Variants in CYTH3 observed in about 807,000 individuals in gnomAD.
CYTH3 encodes cytohesin-3.
In CYTH3, 23 loss-of-function variants were observed where a neutral mutation model predicts 55.1. The observed-to-expected ratio is 0.42, with a 90% CI of 0.30 to 0.59. The LOEUF (loss-of-function observed/expected upper bound fraction) is 0.59. CYTH3 is among the 20% of genes least tolerant of loss of function. The probability of loss-of-function intolerance (pLI) is 0.20; values close to 1 mark genes in which losing one functional copy is unlikely to be tolerated. For synonymous variants in CYTH3, 249 were observed against 194.9 expected (o/e 1.28, Z -2.31); for missense variants, 413 against 524.8 (o/e 0.79, Z 2.08).
intron 1 of CYTH3, among the ~76,000 whole-genome samples, chr7:6,253,005 T>C (rs182463859): frequency 4.6e-5 from 7 of 152,250 alleles, no homozygotes; most frequent in Non-Finnish European, 7.4e-5. Context: ...CTCCTTCTGG[T>C]TACCAACTTA....
intron 1 of CYTH3, among the ~76,000 whole-genome samples, chr7:6,256,760 T>C (rs928860785): frequency 2.0e-5 from 3 of 152,324 alleles, no homozygotes; most frequent in East Asian, 1.9e-4. Context: ...GCCAAATTAC[T>C]GGGCACTTGT....
At chr7:6,245,522 G>C (rs1325843076) in intron 1 of CYTH3, among the ~76,000 whole-genome samples, 3 of 152,150 alleles carry the variant, frequency 2.0e-5, no homozygotes, top group Non-Finnish European at 2.9e-5. Context: ...GCGGGAGCAG[G>C]CTTCTTCCCT....
At chr7:6,217,515 A>G (rs1306070311) in intron 1 of CYTH3, among the ~76,000 whole-genome samples, 2 of 152,228 alleles carry the variant, frequency 1.3e-5, no homozygotes, top group Non-Finnish European at 2.9e-5. Context: ...AAGACATAGC[A>G]ATTCTAAATG....
At chr7:6,238,250 A>G (rs1779578336) in intron 1 of CYTH3, among the ~76,000 whole-genome samples, 2 of 152,206 alleles carry the variant, frequency 1.3e-5, no homozygotes, top group South Asian at 4.1e-4. Context: ...TGTGAATCTT[A>G]GTATACATTT....
intron 5 of CYTH3, among the ~76,000 whole-genome samples, chr7:6,175,032 C>G (rs1034299901): frequency 7.2e-5 from 11 of 152,146 alleles, no homozygotes; most frequent in African/African-American, 2.7e-4. Context: ...TAGGAGATTA[C>G]AAGGACTGAA....
Position 6,165,438 on chromosome 7 carries a change from AAG to A in CYTH3, c.973-13_973-12del, listed in dbSNP as rs1361564434. The A allele has an allele frequency of 7.4e-6, 12 of 1,611,070 alleles. No homozygotes were observed. The highest frequency in any genetic ancestry group is 1.7e-5 in the Admixed American group (1 of 59,758). ...GAGCTCAAAACAGTTCTGGTGGAGAAAGAGAGAGGGGAGGCGGTCAGGGGGGC... is the reference window on the plus strand; with the variant it reads ...GAGCTCAAAACAGTTCTGGTGGAGAAAGAGAGGGGAGGCGGTCAGGGGGGC... On this transcript the variant is annotated splice_polypyrimidine_tract_variant and intron_variant, in intron 11 of 12. Coordinates refer to ENST00000350796, the MANE Select transcript of CYTH3 (RefSeq NM_004227.4).
chr7:6,210,184 A>C (rs1460545260), intron 1 of CYTH3, among the ~76,000 whole-genome samples: 1 of 151,870 alleles, frequency 6.6e-6, no homozygotes, highest in Non-Finnish European at 1.5e-5. Flanking sequence ...TAATAACAGA[A>C]AAACTATGTG....
chr7:6,248,394 T>C lies in CYTH3; in HGVS notation c.34+24080A>G, dbSNP rs142939983. On this transcript the variant is annotated intron_variant, in intron 1 of 12. Coordinates refer to ENST00000350796, the MANE Select transcript of CYTH3 (RefSeq NM_004227.4). ...ACTGCCTATTCAGAGATGTGGTCCA[T>C]CTTCAAGGGAACGTCAGCTCTGGGA... Among the ~76,000 whole-genome samples the C allele has an allele frequency of 8.7e-4, 133 of 152,292 alleles. 2 individuals carry two copies. In the East Asian group the frequency reaches 0.023, roughly 26 times the overall value.
intron 1 of CYTH3, among the ~76,000 whole-genome samples, chr7:6,212,475 A>T (rs78997002): frequency 0.022 from 3,381 of 152,200 alleles, 125 homozygotes; most frequent in Admixed American, 0.1. Flanking sequence ...TGTCTCTATG[A>T]ATTCAACTAC....
chr7:6,216,234 G>T (rs891485333), intron 1 of CYTH3, among the ~76,000 whole-genome samples: 3 of 152,130 alleles, frequency 2.0e-5, no homozygotes, highest in African/African-American at 7.2e-5. Context: ...AATATATATG[G>T]AAGAAATATG....
intron 2 of CYTH3, 76 bp downstream of exon 2, chr7:6,190,371 TGA>T: frequency 3.0e-6 from 3 of 1,003,834 alleles, no homozygotes; most frequent in Middle Eastern, 3.4e-4. Flanking sequence ...TACATTTTTG[TGA>T]GGCTACTCTT....
At chr7:6,261,726 A>G (rs561905639) in intron 1 of CYTH3, among the ~76,000 whole-genome samples, 265 of 149,812 alleles carry the variant, frequency 1.8e-3, no homozygotes, top group Non-Finnish European at 2.8e-3. Flanking sequence ...GGGCAAAGTG[A>G]TATTCCCTTA....
chr7:6,243,385 T>C (rs975397040), intron 1 of CYTH3, among the ~76,000 whole-genome samples: 1 of 152,158 alleles, frequency 6.6e-6, no homozygotes, highest in African/African-American at 2.4e-5. Context: ...ACCGAGCACA[T>C]GCTTTGGGTC....
rs146090197 is a variant in CYTH3, at chr7:6,228,828, T to A, written c.35-38297A>T. ...GATTTCTTCCTTCCACTTAATCTTATCTTCTTTTCCTTTATTCCTCTGGTG... is the reference window on the plus strand; with the variant it reads ...GATTTCTTCCTTCCACTTAATCTTAACTTCTTTTCCTTTATTCCTCTGGTG... On this transcript the variant is annotated intron_variant, in intron 1 of 12. Transcript: ENST00000350796. Among the ~76,000 whole-genome samples the A allele has an allele frequency of 8.7e-4, 133 of 152,364 alleles. No homozygotes were observed. The Middle Eastern group carries it at 0.01, about 12-fold the overall frequency.
chr7:6,268,270 C>T lies in CYTH3; in HGVS notation c.34+4204G>A, dbSNP rs184447113. ...GCAACCTGCACCTCCCAGGCTCAAG[C>T]GATTCTCCTGCCTCAGCCTCCCGCG... On this transcript the variant is annotated intron_variant, in intron 1 of 12. Coordinates refer to ENST00000350796, the MANE Select transcript of CYTH3 (RefSeq NM_004227.4). Among the ~76,000 whole-genome samples the T allele has an allele frequency of 1.8e-3, 280 of 152,278 alleles. 2 individuals are homozygous for T. The highest frequency in any genetic ancestry group is 6.6e-3 in the African/African-American group (276 of 41,534).
intron 1 of CYTH3, among the ~76,000 whole-genome samples, chr7:6,237,163 G>A (rs371543281): frequency 2.8e-4 from 42 of 152,316 alleles, no homozygotes; most frequent in Non-Finnish European, 4.6e-4. Flanking sequence ...CTCCCAGAGC[G>A]AGTTCTACAC....
intron 1 of CYTH3, among the ~76,000 whole-genome samples, chr7:6,226,121 T>G (rs1207054107): frequency 6.6e-6 from 1 of 152,212 alleles, no homozygotes; most frequent in African/African-American, 2.4e-5. Flanking sequence ...AAGGAATGTG[T>G]TTTTTAAAAA....
rs1266742659 is a variant in CYTH3 at position 6,170,333 on chromosome 7, C to T, written c.823+202G>A. The T allele has an allele frequency of 1.9e-5, 11 of 583,442 alleles. No individual in the cohort carries two copies. The East Asian group carries it at 2.3e-4, about 12-fold the overall frequency. 36.1% of individuals were successfully genotyped at this position (583,442 alleles called of 1,614,324 possible). ...GCAGCCTGGGCGCTACTCTCTGCCG[C>T]GGGCATGGCTCTGAGGCCCCGGCTC... On this transcript the variant is annotated intron_variant, in intron 9 of 12. Coordinates refer to ENST00000350796, the MANE Select transcript of CYTH3 (RefSeq NM_004227.4). This position sits in a 1 kb window ranked among gnomAD's most constrained non-coding sequence, Gnocchi z 7.8.
At chr7:6,234,841 TAA>T (rs1402636247) in intron 1 of CYTH3, among the ~76,000 whole-genome samples, 1 of 152,172 alleles carries the variant, frequency 6.6e-6, no homozygotes, top group Non-Finnish European at 1.5e-5. Flanking sequence ...TAATTGGTAA[TAA>T]GAGAGCTTGA....
Sources: allele counts gnomAD v4.1 joint callset (sites outside exome capture counted in the v4.1 genomes callset), GRCh38; gene constraint gnomAD v4.1.1; non-coding constraint Gnocchi (gnomAD v3.1); transcripts MANE v1.5; gene names NCBI Gene and HGNC (gene_info 2026-07-23, HGNC 2026-07-21).